Variants in VGLL4 observed in about 807,000 individuals in gnomAD.
VGLL4 encodes the protein transcription cofactor vestigial-like protein 4.
A neutral mutation model predicts 21.0 loss-of-function variants in VGLL4; 7 were observed. The observed-to-expected ratio is 0.33, with a 90% CI of 0.19 to 0.63. The LOEUF is 0.63. VGLL4 is among the 20% of genes least tolerant of loss of function. VGLL4 has a pLI of 0.78. For missense variants in VGLL4, 394 were observed against 425.7 expected (o/e 0.93, Z 0.66); for synonymous variants, 222 against 173.2 (o/e 1.28, Z -2.21).
chr3:11,670,883 C>T (rs571876329), intron 2 of VGLL4, among the ~76,000 whole-genome samples: 18 of 152,208 alleles, frequency 1.2e-4, no homozygotes, highest in Middle Eastern at 3.4e-3. Flanking sequence ...ACTAAAAATA[C>T]AAAATTAGCA....
intron 2 of VGLL4, among the ~76,000 whole-genome samples, chr3:11,697,485 G>A (rs1463551667): frequency 6.6e-6 from 1 of 152,132 alleles, no homozygotes; most frequent in Non-Finnish European, 1.5e-5. Context: ...AAAGGAGAGA[G>A]AAAGAGACAG....
intron 2 of VGLL4, among the ~76,000 whole-genome samples, chr3:11,693,649 C>T (rs2076564417): frequency 6.6e-6 from 1 of 152,132 alleles, no homozygotes; most frequent in South Asian, 2.1e-4. Context: ...GGAAAGAAAA[C>T]TCCATACATA....
chr3:11,667,117 G>A (rs1296758712), intron 2 of VGLL4, among the ~76,000 whole-genome samples: 1 of 152,164 alleles, frequency 6.6e-6, no homozygotes, highest in African/African-American at 2.4e-5. Flanking sequence ...TGGCCTCTTT[G>A]CACCACAGGT....
At chr3:11,595,366 G>C (rs1184703985) in intron 2 of VGLL4, among the ~76,000 whole-genome samples, 1 of 152,140 alleles carries the variant, frequency 6.6e-6, no homozygotes, top group Non-Finnish European at 1.5e-5. Context: ...GGAGAAATAG[G>C]AACACTTTTA....
chr3:11,631,264 T>TCCG (rs1289979446), intron 1 of VGLL4, among the ~76,000 whole-genome samples: 1 of 152,136 alleles, frequency 6.6e-6, no homozygotes, highest in Non-Finnish European at 1.5e-5. Context: ...ATGCTCTCCC[T>TCCG]CTTGATCTGG....
chr3:11,685,943 C>T (rs1432143630), intron 2 of VGLL4, among the ~76,000 whole-genome samples: 1 of 152,140 alleles, frequency 6.6e-6, no homozygotes, highest in Non-Finnish European at 1.5e-5. Context: ...TGCAAACATG[C>T]TCAACATCAC....
At chr3:11,689,980 A>G (rs4143285) in intron 2 of VGLL4, among the ~76,000 whole-genome samples, 120,859 of 152,066 alleles carry the variant, frequency 0.79, 48,127 homozygotes, top group Admixed American at 0.85. Flanking sequence ...GGGATCTGAC[A>G]CTCTGCTCGG....
chr3:11,687,039 G>A (rs2076459256), intron 2 of VGLL4, among the ~76,000 whole-genome samples: 1 of 137,358 alleles, frequency 7.3e-6, no homozygotes, highest in Admixed American at 7.5e-5. Flanking sequence ...GTAGCTCAAA[G>A]TTTAAGAAAC....
intron 2 of VGLL4, among the ~76,000 whole-genome samples, chr3:11,697,460 T>C (rs1470057617): frequency 2.6e-5 from 4 of 152,020 alleles, no homozygotes. Flanking sequence ...AGCCACAGTA[T>C]TAGATGCTGA....
At chr3:11,680,456 G>A (rs146865762) in intron 2 of VGLL4, among the ~76,000 whole-genome samples, 1 of 152,216 alleles carries the variant, frequency 6.6e-6, no homozygotes, top group African/African-American at 2.4e-5. Flanking sequence ...GTCAAAAGCC[G>A]CATCATCCTT....
At chr3:11,641,699 C>A (rs2075690447) in intron 1 of VGLL4, among the ~76,000 whole-genome samples, 1 of 152,090 alleles carries the variant, frequency 6.6e-6, no homozygotes, top group Non-Finnish European at 1.5e-5. Context: ...GACTTCAGCC[C>A]ATTATCCCAT....
At chr3:11,631,373 A>G (rs2075474192) in intron 1 of VGLL4, among the ~76,000 whole-genome samples, 1 of 152,182 alleles carries the variant, frequency 6.6e-6, no homozygotes, top group African/African-American at 2.4e-5. Flanking sequence ...ACCAAAACTT[A>G]AGTCATCCTG....
intron 1 of VGLL4, among the ~76,000 whole-genome samples, chr3:11,639,480 C>A (rs2125327340): frequency 6.6e-6 from 1 of 152,370 alleles, no homozygotes; most frequent in African/African-American, 2.4e-5. Context: ...GGGAGAGGCT[C>A]CACTGTGTGC....
chr3:11,682,605 A>G (rs1275025160), intron 2 of VGLL4, among the ~76,000 whole-genome samples: 1 of 152,068 alleles, frequency 6.6e-6, no homozygotes, highest in Admixed American at 6.6e-5. Flanking sequence ...CTCTGATGCT[A>G]TTGAAATGCC....
intron 1 of VGLL4, chr3:11,610,817 C>A (rs552940100): frequency 1.3e-5 from 2 of 152,202 alleles, no homozygotes; most frequent in Non-Finnish European, 2.9e-5. Context: ...TTTGTAGAAG[C>A]CTTCCTGTAT....
chr3:11,562,073 C>T (rs932672106), intron 3 of VGLL4, among the ~76,000 whole-genome samples: 3 of 151,842 alleles, frequency 2.0e-5, no homozygotes, highest in African/African-American at 7.3e-5. Flanking sequence ...AATTTTTGTA[C>T]TTTTAGTAAA....
At chr3:11,626,335 A>G (rs1420256283) in intron 1 of VGLL4, 2 of 456,792 alleles carry the variant, frequency 4.4e-6, no homozygotes, top group Non-Finnish European at 8.8e-6. Flanking sequence ...CAGACCACAC[A>G]AAGTCAAAAC....
intron 2 of VGLL4, among the ~76,000 whole-genome samples, chr3:11,587,528 C>A (rs887687886): frequency 8.5e-5 from 13 of 152,222 alleles, no homozygotes; most frequent in African/African-American, 3.1e-4. Flanking sequence ...ATAAACGCAA[C>A]AACAATCTAC....
At chr3:11,630,071 A>T (rs927814948) in intron 1 of VGLL4, among the ~76,000 whole-genome samples, 5 of 152,186 alleles carry the variant, frequency 3.3e-5, no homozygotes, top group African/African-American at 1.2e-4. Context: ...AGATTTACCC[A>T]TTTGGAAAAA....
Sources: gnomAD v4.1 joint callset for allele counts (sites outside exome capture counted in the v4.1 genomes callset) on GRCh38, gnomAD v4.1.1 for gene constraint, MANE v1.5 for transcripts, NCBI Gene and HGNC (gene_info 2026-07-23, HGNC 2026-07-21) for gene names.